Variants in PLXNA2 observed in about 807,000 individuals in gnomAD.
PLXNA2 encodes the protein plexin A2, also known as plexin-A2.
In PLXNA2, 91 loss-of-function variants were observed where a neutral mutation model predicts 193.5. The observed-to-expected ratio is 0.47, with a 90% CI of 0.40 to 0.56. The LOEUF is 0.56. Among genes scored for constraint, PLXNA2 ranks in the 20% least tolerant of loss-of-function variants. The pLI is 0.00. For synonymous variants in PLXNA2, 997 were observed against 1,027.3 expected, an observed-to-expected ratio of 0.97 and a Z score of 0.56; for missense variants, 1,995 against 2,503.2, an observed-to-expected ratio of 0.80 and a Z score of 4.33.
chr1:208,235,860 T>A (rs1016749290), intron 1 of PLXNA2, among the ~76,000 whole-genome samples: 2 of 152,176 alleles, frequency 1.3e-5, no homozygotes, highest in African/African-American at 2.4e-5. Context: ...TGACCCCCTG[T>A]GGGTCACTCA....
chr1:208,202,538 C>T (rs985794668), intron 3 of PLXNA2, among the ~76,000 whole-genome samples: 2 of 152,186 alleles, frequency 1.3e-5, no homozygotes, highest in Non-Finnish European at 2.9e-5. Flanking sequence ...TTGGTCCCTA[C>T]CCGAAGGCAG....
intron 3 of PLXNA2, among the ~76,000 whole-genome samples, chr1:208,164,990 G>C (rs1669254539): frequency 6.6e-6 from 1 of 152,238 alleles, no homozygotes; most frequent in African/African-American, 2.4e-5. Flanking sequence ...GGAAGTCAGG[G>C]ACGGAACCAA....
intron 3 of PLXNA2, among the ~76,000 whole-genome samples, chr1:208,171,734 T>C (rs945174067): frequency 1.3e-5 from 2 of 151,984 alleles, no homozygotes; most frequent in Non-Finnish European, 2.9e-5. Context: ...CATGCGCCTG[T>C]AGTCCCAGCT....
intron 4 of PLXNA2, among the ~76,000 whole-genome samples, chr1:208,133,019 G>T (rs1232343209): frequency 6.6e-6 from 1 of 152,142 alleles, no homozygotes; most frequent in East Asian, 1.9e-4. Flanking sequence ...TCCACATTCG[G>T]CTTGGTATAC....
chr1:208,242,126 C>T (rs2102656059), intron 1 of PLXNA2, among the ~76,000 whole-genome samples: 1 of 152,252 alleles, frequency 6.6e-6, no homozygotes, highest in Admixed American at 6.5e-5. Context: ...TTGTGCATTT[C>T]AGTTAGGAAT....
chr1:208,132,418 G>C (rs1025379305), intron 4 of PLXNA2, among the ~76,000 whole-genome samples: 2 of 152,172 alleles, frequency 1.3e-5, no homozygotes, highest in Non-Finnish European at 2.9e-5. Flanking sequence ...TCAGAGGTGT[G>C]GGGTGGAGTC....
chr1:208,113,016 A>AT, intron 4 of PLXNA2, among the ~76,000 whole-genome samples: 1 of 151,676 alleles, frequency 6.6e-6, no homozygotes, highest in Admixed American at 6.6e-5. Context: ...AAAAAAAAAA[A>AT]AAAAAAAACA....
At chr1:208,071,664 T>C (rs4844402) in intron 12 of PLXNA2, among the ~76,000 whole-genome samples, 12,511 of 152,304 alleles carry the variant, frequency 0.082, 842 homozygotes, top group East Asian at 0.34. Flanking sequence ...TAGCTGATAG[T>C]ACATTCAAAA....
chr1:208,037,185 A>C (rs974096482), intron 26 of PLXNA2, among the ~76,000 whole-genome samples: 1 of 152,176 alleles, frequency 6.6e-6, no homozygotes, highest in African/African-American at 2.4e-5. Context: ...CAGAGAGATT[A>C]AAGTCACACC....
At chr1:208,059,910 G>A (rs1056674978) in intron 13 of PLXNA2, among the ~76,000 whole-genome samples, 9 of 152,138 alleles carry the variant, frequency 5.9e-5, no homozygotes, top group African/African-American at 2.2e-4. Context: ...TTAGGATAAG[G>A]GAAGGAAGTC....
intron 4 of PLXNA2, among the ~76,000 whole-genome samples, chr1:208,109,582 G>C (rs1290230279): frequency 6.6e-6 from 1 of 152,198 alleles, no homozygotes; most frequent in East Asian, 1.9e-4. Context: ...AGGAAGAGAG[G>C]ACAGGTATTG....
intron 3 of PLXNA2, among the ~76,000 whole-genome samples, chr1:208,178,657 G>A (rs979161936): frequency 6.6e-6 from 1 of 152,224 alleles, no homozygotes; most frequent in Non-Finnish European, 1.5e-5. Flanking sequence ...GGAAGGTATC[G>A]AATGAGGGAC....
chr1:208,181,158 G>A (rs1347524481), intron 3 of PLXNA2, among the ~76,000 whole-genome samples: 3 of 152,222 alleles, frequency 2.0e-5, no homozygotes, highest in African/African-American at 4.8e-5. Flanking sequence ...AAGCATCAGA[G>A]AGGCTTCATG....
At chr1:208,125,090 A>G (rs2102455752) in intron 4 of PLXNA2, among the ~76,000 whole-genome samples, 1 of 152,354 alleles carries the variant, frequency 6.6e-6, no homozygotes, top group South Asian at 2.1e-4. Flanking sequence ...TCAAAATGTA[A>G]CAATAACTAT....
At chr1:208,225,565 G>A (rs113090684) in intron 1 of PLXNA2, among the ~76,000 whole-genome samples, 52 of 152,228 alleles carry the variant, frequency 3.4e-4, no homozygotes, top group African/African-American at 1.1e-3. Context: ...CTCTAGCCTC[G>A]GCCTCCCAAA....
chr1:208,241,826 G>A (rs1379471755), intron 1 of PLXNA2, among the ~76,000 whole-genome samples: 2 of 152,130 alleles, frequency 1.3e-5, no homozygotes, highest in Admixed American at 6.5e-5. Context: ...TGGCAGCAGG[G>A]GCAAGTTCTG....
intron 26 of PLXNA2, among the ~76,000 whole-genome samples, chr1:208,035,911 T>A (rs902511227): frequency 6.6e-6 from 1 of 152,212 alleles, no homozygotes; most frequent in African/African-American, 2.4e-5. Context: ...TCCCTATAAA[T>A]CTGCAGAAGC....
rs138135594 is a variant in PLXNA2, at chr1:208,237,707, CT to C, written c.-81+5935del. The stretch of plus-strand genomic sequence containing the variant: ...TCCTGGAAATCTTCACCTCCCATGA[CT>C]TAAAGCAAAGGCTTTGAGGAGCTGT... On this transcript the variant is annotated intron_variant, in intron 1 of 31. Transcript: ENST00000367033. Among the ~76,000 whole-genome samples the C allele has an allele frequency of 7.5e-3, 1,144 of 152,300 alleles. 21 individuals carry two copies. The highest frequency in any genetic ancestry group is 0.026 in the African/African-American group (1,094 of 41,548).
rs1220341136 is a variant in PLXNA2 at position 208,096,827 on chromosome 1, A to G, written c.1788T>C (p.Phe596=). 6.2e-7 allele frequency: 1 copy of G among 1,614,094 alleles called. No individual in the cohort carries two copies. The highest frequency in any genetic ancestry group is 8.5e-7 in the Non-Finnish European group (1 of 1,180,002). Residue 596 remains phenylalanine (F), a synonymous_variant, in exon 7 of 32, where the codon TTT becomes TTC. Transcript: ENST00000367033. ...GCCCCTCCACCTCTGTCAGGTTCCCAAAGGCACAGGCGATACCCGCAGATA... is the reference window on the plus strand; with the variant it reads ...GCCCCTCCACCTCTGTCAGGTTCCCGAAGGCACAGGCGATACCCGCAGATA... The part of the protein sequence containing the change: ...PDLSAGIACA[F]GNLTEVEGQV...
Sources: gnomAD v4.1 joint callset for allele counts (sites outside exome capture counted in the v4.1 genomes callset) on GRCh38, gnomAD v4.1.1 for gene constraint, MANE v1.5 for transcripts, NCBI Gene and HGNC (gene_info 2026-07-23, HGNC 2026-07-21) for gene names.